Variants in ATG10 observed in about 807,000 individuals in gnomAD.
ATG10 encodes ubiquitin-like-conjugating enzyme ATG10.
ATG10 carries 30 observed loss-of-function variants against 32.1 expected under a neutral mutation model. The observed-to-expected ratio is 0.94, with a 90% CI of 0.70 to 1.27. The LOEUF is 1.27. ATG10 is among the 50% of genes most tolerant of loss of function. The pLI, the probability that ATG10 is intolerant of heterozygous loss-of-function variation, is 0.00. For synonymous variants in ATG10, 87 were observed against 91.5 expected, an observed-to-expected ratio of 0.95 and a Z score of 0.28; for missense variants, 233 against 262.3, an observed-to-expected ratio of 0.89 and a Z score of 0.77.
intron 3 of ATG10, among the ~76,000 whole-genome samples, chr5:82,087,854 T>C (rs1439771210): frequency 1.3e-5 from 2 of 152,128 alleles, no homozygotes; most frequent in African/African-American, 4.8e-5. Flanking sequence ...AGGAAGAAAC[T>C]TTTGCAGGTG....
Position 81,983,504 on chromosome 5 carries a change from C to T in ATG10, c.-12-4055C>T, listed in dbSNP as rs1436044336. Among the ~76,000 whole-genome samples the T allele has an allele frequency of 2.5e-4, 33 of 134,302 alleles. 1 individual carries two copies. The highest frequency in any genetic ancestry group is 5.9e-4 in the Admixed American group (8 of 13,648). 88.1% of individuals were successfully genotyped at this position (134,302 alleles called of 152,430 possible). ...CTCCCGGACGGGGCAGCTGGCCGGG[C>T]GGGGGGCTGACCCCCCCCACCTCCC... On this transcript the variant is annotated intron_variant, in intron 1 of 7. Coordinates refer to ENST00000282185, the MANE Select transcript of ATG10 (RefSeq NM_031482.5).
At chr5:82,087,436 A>C (rs1394845182) in intron 3 of ATG10, among the ~76,000 whole-genome samples, 1 of 152,212 alleles carries the variant, frequency 6.6e-6, no homozygotes, top group Non-Finnish European at 1.5e-5. Flanking sequence ...ACAGATCCAC[A>C]TAAGCTATGG....
At chr5:82,180,053 C>A (rs1744173613) in intron 5 of ATG10, among the ~76,000 whole-genome samples, 1 of 152,120 alleles carries the variant, frequency 6.6e-6, no homozygotes, top group Non-Finnish European at 1.5e-5. Context: ...CTGCCCCTTA[C>A]CTGTAGTCAT....
chr5:82,097,378 G>T (rs966370430), intron 3 of ATG10, among the ~76,000 whole-genome samples: 1 of 152,004 alleles, frequency 6.6e-6, no homozygotes, highest in Non-Finnish European at 1.5e-5. Context: ...TTTCACAATT[G>T]CTTAAATTAT....
intron 2 of ATG10, among the ~76,000 whole-genome samples, chr5:81,995,664 A>G (rs951463209): frequency 6.6e-6 from 1 of 152,198 alleles, no homozygotes; most frequent in South Asian, 2.1e-4. Flanking sequence ...ACATAATTAT[A>G]TAAACACTAA....
chr5:82,152,905 A>G (rs1157256488), intron 3 of ATG10, among the ~76,000 whole-genome samples: 1 of 152,214 alleles, frequency 6.6e-6, no homozygotes, highest in Non-Finnish European at 1.5e-5. Context: ...CAGACAATTT[A>G]TACTCATTCC....
chr5:82,090,143 A>G (rs976461408), intron 3 of ATG10, among the ~76,000 whole-genome samples: 2 of 152,106 alleles, frequency 1.3e-5, no homozygotes, highest in Non-Finnish European at 2.9e-5. Flanking sequence ...AAACTGAATC[A>G]CTCAAACATT....
chr5:82,247,890 A>G (rs929354704), intron 5 of ATG10, among the ~76,000 whole-genome samples: 2 of 151,988 alleles, frequency 1.3e-5, no homozygotes, highest in Non-Finnish European at 2.9e-5. Context: ...TGTCTTTGCT[A>G]CTGGTTTTTT....
chr5:82,141,087 G>A (rs1380198897), intron 3 of ATG10, among the ~76,000 whole-genome samples: 2 of 120,684 alleles, frequency 1.7e-5, no homozygotes, highest in African/African-American at 3.0e-5. Context: ...CAAACACTGC[G>A]GAAGGCCGCA....
intron 5 of ATG10, among the ~76,000 whole-genome samples, chr5:82,247,609 T>G (rs1305278508): frequency 6.6e-6 from 1 of 152,224 alleles, no homozygotes; most frequent in Admixed American, 6.5e-5. Context: ...TTTGAATTAT[T>G]TGTAAATCCA....
At chr5:82,151,972 A>C (rs1277360575) in intron 3 of ATG10, among the ~76,000 whole-genome samples, 1 of 152,232 alleles carries the variant, frequency 6.6e-6, no homozygotes, top group African/African-American at 2.4e-5. Context: ...ATCACCTATC[A>C]AAACAATGTA....
Position 82,143,392 on chromosome 5 carries a change from A to G in ATG10, c.217-21007A>G, listed in dbSNP as rs569312342. Reference sequence around the variant, plus strand: ...GTCATGGGAGGATGTTGGAGACACGAGAGTGTGGAAGGTGTTCTAACTGGG... The same window carrying G: ...GTCATGGGAGGATGTTGGAGACACGGGAGTGTGGAAGGTGTTCTAACTGGG... On this transcript the variant is annotated intron_variant, in intron 3 of 7. Transcript: ENST00000282185. Among the ~76,000 whole-genome samples the G allele has an allele frequency of 1.1e-3, 175 of 152,324 alleles. 2 individuals carry two copies. Among genetic ancestry groups the G allele is most frequent in the Admixed American group, 2.3e-3 (35 of 15,300 alleles).
intron 3 of ATG10, among the ~76,000 whole-genome samples, chr5:82,081,306 A>G (rs1240937721): frequency 3.3e-5 from 5 of 152,256 alleles, no homozygotes; most frequent in African/African-American, 1.2e-4. Flanking sequence ...ATCTGCAAAC[A>G]GGGACAATTT....
intron 2 of ATG10, among the ~76,000 whole-genome samples, chr5:82,048,076 T>G (rs1168853745): frequency 7.2e-6 from 1 of 139,718 alleles, no homozygotes; most frequent in Non-Finnish European, 1.5e-5. Flanking sequence ...CATTGATCTA[T>G]ATCTCTGTTT....
At chr5:82,187,519 CAA>C (rs11312827) in intron 5 of ATG10, among the ~76,000 whole-genome samples, 152 of 114,834 alleles carry the variant, frequency 1.3e-3, no homozygotes, top group African/African-American at 1.2e-3. Context: ...AGACTGTCTA[CAA>C]AAAAAAAAAA....
intron 1 of ATG10, among the ~76,000 whole-genome samples, chr5:81,986,543 A>G (rs547494661): frequency 1.1e-4 from 16 of 152,276 alleles, no homozygotes; most frequent in South Asian, 6.2e-4. Flanking sequence ...TGTTGGATGA[A>G]TGAACAAACT....
intron 2 of ATG10, among the ~76,000 whole-genome samples, chr5:82,055,954 C>A (rs1164094727): frequency 2.6e-5 from 4 of 152,126 alleles, no homozygotes; most frequent in African/African-American, 4.8e-5. Context: ...TAGGAGCAAG[C>A]AACTATGTCT....
chr5:82,034,332 T>C (rs1351209656), intron 2 of ATG10, among the ~76,000 whole-genome samples: 2 of 152,186 alleles, frequency 1.3e-5, no homozygotes, highest in Non-Finnish European at 2.9e-5. Flanking sequence ...ACATTCCATG[T>C]TTGATCCATT....
At chr5:82,081,050 T>C (rs1764460726) in intron 3 of ATG10, among the ~76,000 whole-genome samples, 1 of 152,226 alleles carries the variant, frequency 6.6e-6, no homozygotes, top group African/African-American at 2.4e-5. Flanking sequence ...AGCAGTGGTT[T>C]GTAGTTCTCC....
Sources: allele counts gnomAD v4.1 joint callset (sites outside exome capture counted in the v4.1 genomes callset), GRCh38; gene constraint gnomAD v4.1.1; transcripts MANE v1.5; gene names NCBI Gene and HGNC (gene_info 2026-07-23, HGNC 2026-07-21).